The following RARB variants were observed in gnomAD, a reference collection of about 807,000 sequenced individuals.
The protein encoded by RARB is HBV-activated protein.
Under a neutral mutation model 51.9 loss-of-function variants are expected in RARB, and 17 were observed. The ratio of observed to expected loss-of-function variants is 0.33; its 90% CI spans 0.22 to 0.49. The LOEUF is 0.49. Ranked by LOEUF, RARB falls within the 20% of genes least tolerant of loss-of-function variation. RARB has a pLI of 0.99. For synonymous variants in RARB, 215 were observed against 195.4 expected (o/e 1.10, Z -0.84); for missense variants, 369 against 550.8 (o/e 0.67, Z 3.30).
intron 2 of RARB, among the ~76,000 whole-genome samples, chr3:25,018,190 A>G (rs1282247716): frequency 6.6e-6 from 1 of 152,238 alleles, no homozygotes; most frequent in Non-Finnish European, 1.5e-5. Context: ...CATAATTACT[A>G]CAAACACAGA....
At chr3:25,219,604 A>G (rs1268721185) in intron 5 of RARB, among the ~76,000 whole-genome samples, 1 of 152,184 alleles carries the variant, frequency 6.6e-6, no homozygotes, top group Non-Finnish European at 1.5e-5. Context: ...CACTTGCTGA[A>G]GGGCCGCATG....
intron 3 of RARB, among the ~76,000 whole-genome samples, chr3:25,122,581 G>T (rs1467838816): frequency 6.6e-6 from 1 of 152,074 alleles, no homozygotes; most frequent in African/African-American, 2.4e-5. Context: ...GAAAGTATGA[G>T]GGGGACAAGT....
At chr3:25,379,898 C>T (rs1162357969) in intron 5 of RARB, among the ~76,000 whole-genome samples, 3 of 151,952 alleles carry the variant, frequency 2.0e-5, no homozygotes, top group African/African-American at 4.8e-5. Context: ...ATAATATAGC[C>T]CCTCAGATAA....
intron 5 of RARB, among the ~76,000 whole-genome samples, chr3:25,378,507 A>C (rs1314160708): frequency 6.6e-6 from 1 of 152,236 alleles, no homozygotes; most frequent in Non-Finnish European, 1.5e-5. Context: ...TATTCTATTT[A>C]AACTTTGTAA....
intron 1 of RARB, among the ~76,000 whole-genome samples, chr3:24,832,628 A>AATATATATATATATATATATATAGAT (rs10526610): frequency 1.1e-5 from 1 of 88,456 alleles, no homozygotes; most frequent in Admixed American, 1.3e-4. Flanking sequence ...ATTGAGTCCC[A>AATATATATATATATATATATATAGAT]ATATATATAT....
chr3:25,519,342 G>A lies in RARB; in HGVS notation c.448+18019G>A, dbSNP rs185123966. 1.2e-4 allele frequency among the ~76,000 whole-genome samples: 18 copies of A among 152,196 alleles called. No individual in the cohort carries two copies. The East Asian group carries it at 1.7e-3, about 15-fold the overall frequency. On this transcript the variant is annotated intron_variant, in intron 3 of 7. Coordinates refer to ENST00000330688, the MANE Select transcript of RARB (RefSeq NM_000965.5). ...TGTTTAATTTTATTAAAAGCAGTTC[G>A]TTTTCCAAGTGGTTATTCTACCTGC... is the stretch of plus-strand genomic sequence containing the variant.
At chr3:25,046,215 T>C (rs940524405) in intron 2 of RARB, among the ~76,000 whole-genome samples, 16 of 152,140 alleles carry the variant, frequency 1.1e-4, no homozygotes, top group Non-Finnish European at 1.8e-4. Flanking sequence ...CTAGAAAATA[T>C]GCTGGGGTAG....
chr3:25,013,208 G>C (rs1697434404), intron 2 of RARB, among the ~76,000 whole-genome samples: 1 of 152,074 alleles, frequency 6.6e-6, no homozygotes, highest in Admixed American at 6.6e-5. Flanking sequence ...TCAACTCAAA[G>C]TTAAAGATGA....
At chr3:25,516,430 T>TA (rs964125441) in intron 3 of RARB, among the ~76,000 whole-genome samples, 36 of 152,120 alleles carry the variant, frequency 2.4e-4, no homozygotes, top group African/African-American at 7.2e-4. Flanking sequence ...TTTCCATAAT[T>TA]AAAAAAAGCA....
At chr3:25,031,089 G>T (rs1697864440) in intron 2 of RARB, among the ~76,000 whole-genome samples, 1 of 152,152 alleles carries the variant, frequency 6.6e-6, no homozygotes, top group African/African-American at 2.4e-5. Flanking sequence ...GTTGTCCCGT[G>T]CATTGTAGGA....
At chr3:25,087,169 T>A (rs902170194) in intron 3 of RARB, among the ~76,000 whole-genome samples, 1 of 152,130 alleles carries the variant, frequency 6.6e-6, no homozygotes, top group Non-Finnish European at 1.5e-5. Flanking sequence ...TTAATACTGG[T>A]CAGCTGTGGC....
At chr3:24,889,815 G>A (rs1266661839) in intron 2 of RARB, among the ~76,000 whole-genome samples, 6 of 151,070 alleles carry the variant, frequency 4.0e-5, no homozygotes, top group African/African-American at 9.8e-5. Flanking sequence ...GATATAAAAG[G>A]AGTCTGGAAA....
At chr3:25,551,859 TTTTCCATAAATCTGG>T (rs1300949178) in intron 3 of RARB, among the ~76,000 whole-genome samples, 1 of 152,206 alleles carries the variant, frequency 6.6e-6, no homozygotes. Flanking sequence ...CTTCAATCTG[TTTTCCATAAATCTGG>T]AAGTTAGCAA....
intron 2 of RARB, among the ~76,000 whole-genome samples, chr3:24,896,027 C>G (rs1329600397): frequency 6.6e-6 from 1 of 152,086 alleles, no homozygotes; most frequent in Non-Finnish European, 1.5e-5. Flanking sequence ...ATTGTTTGGC[C>G]TTAAATGGGA....
chr3:25,271,103 C>T (rs535720642), intron 5 of RARB, among the ~76,000 whole-genome samples: 1 of 152,324 alleles, frequency 6.6e-6, no homozygotes, highest in South Asian at 2.1e-4. Context: ...CTCTTGTAAC[C>T]TCTAATTTTA....
intron 2 of RARB, among the ~76,000 whole-genome samples, chr3:25,003,421 T>C (rs2125276135): frequency 6.6e-6 from 1 of 152,242 alleles, no homozygotes; most frequent in Non-Finnish European, 1.5e-5. Context: ...AATATAATGC[T>C]GGTAATGACA....
intron 2 of RARB, among the ~76,000 whole-genome samples, chr3:25,047,257 G>A (rs1575134914): frequency 6.6e-6 from 1 of 152,122 alleles, no homozygotes; most frequent in African/African-American, 2.4e-5. Flanking sequence ...ATGGCAAATG[G>A]TGACTCATAT....
chr3:25,183,113 T>C (rs576657396), intron 5 of RARB, among the ~76,000 whole-genome samples: 9 of 152,300 alleles, frequency 5.9e-5, no homozygotes, highest in African/African-American at 1.9e-4. Context: ...CCATAACTTC[T>C]TACTACCGAA....
At chr3:25,584,119 C>T (rs1043220103) in intron 5 of RARB, among the ~76,000 whole-genome samples, 5 of 152,190 alleles carry the variant, frequency 3.3e-5, no homozygotes, top group East Asian at 1.9e-4. Context: ...GGTCAGACTT[C>T]GGTTTCTCTG....
Sources: gnomAD v4.1 joint callset for allele counts (sites outside exome capture counted in the v4.1 genomes callset) on GRCh38, gnomAD v4.1.1 for gene constraint, MANE v1.5 for transcripts, NCBI Gene and HGNC (gene_info 2026-07-23, HGNC 2026-07-21) for gene names.